Variants in SGMS1 observed in about 807,000 individuals in gnomAD.
The protein encoded by SGMS1 is sphingomyelin synthase 1, also known as phosphatidylcholine:ceramide cholinephosphotransferase 1.
A neutral mutation model predicts 46.2 loss-of-function variants in SGMS1; 13 were observed. That is an observed-to-expected ratio of 0.28 (90% CI 0.18 to 0.45). The LOEUF (loss-of-function observed/expected upper bound fraction) is 0.45. SGMS1 is among the 20% of genes least tolerant of loss of function. The probability of loss-of-function intolerance (pLI) is 1.00; values close to 1 mark genes in which losing one functional copy is unlikely to be tolerated. For synonymous variants in SGMS1, 203 were observed against 187.8 expected (o/e 1.08, Z -0.66); for missense variants, 324 against 519.9 (o/e 0.62, Z 3.66).
intron 3 of SGMS1, among the ~76,000 whole-genome samples, chr10:50,518,306 A>G (rs11594062): frequency 5.4e-4 from 82 of 152,250 alleles, no homozygotes; most frequent in Non-Finnish European, 1.0e-3. Context: ...GAACAGAAAT[A>G]CAAGTTATAA....
chr10:50,462,021 A>C (rs1016103330), intron 4 of SGMS1, among the ~76,000 whole-genome samples: 5 of 152,296 alleles, frequency 3.3e-5, no homozygotes, highest in African/African-American at 1.2e-4. Context: ...ATTCAATTAA[A>C]GTTTCAGGCC....
intron 3 of SGMS1, among the ~76,000 whole-genome samples, chr10:50,493,876 T>C (rs1837587825): frequency 6.6e-6 from 1 of 152,210 alleles, no homozygotes; most frequent in Non-Finnish European, 1.5e-5. Context: ...TGACTCACTG[T>C]AGCCTCCACC....
Position 50,596,455 on chromosome 10 carries a change from G to T in SGMS1, c.-683-6208C>A, listed in dbSNP as rs145015758. 1.6e-3 allele frequency among the ~76,000 whole-genome samples: 240 copies of T among 152,338 alleles called. 2 individuals are homozygous for T. Among genetic ancestry groups the T allele is most frequent in the African/African-American group, 5.6e-3 (233 of 41,570 alleles). ...GGCCTCCCAAAGTGCTGGGCTTACA[G>T]GCGTGAGCCACCACGCCCAGCCCAA... On this transcript the variant is annotated intron_variant, in intron 1 of 10. Coordinates refer to ENST00000361781, the MANE Select transcript of SGMS1 (RefSeq NM_147156.4).
At chr10:50,486,907 C>G (rs1176037094) in intron 3 of SGMS1, among the ~76,000 whole-genome samples, 2 of 152,168 alleles carry the variant, frequency 1.3e-5, no homozygotes, top group African/African-American at 4.8e-5. Flanking sequence ...CAGAATCAAC[C>G]TAAATGCCCA....
chr10:50,444,657 G>A (rs1198849285), intron 5 of SGMS1, among the ~76,000 whole-genome samples: 1 of 151,994 alleles, frequency 6.6e-6, no homozygotes, highest in South Asian at 2.1e-4. Flanking sequence ...TCAAGAGGCC[G>A]AGGTAAGAGG....
intron 1 of SGMS1, among the ~76,000 whole-genome samples, chr10:50,597,737 G>T (rs1230522487): frequency 2.0e-5 from 3 of 152,168 alleles, no homozygotes; most frequent in Non-Finnish European, 4.4e-5. Flanking sequence ...AACTGGCCGG[G>T]CGTGGTGGCT....
intron 7 of SGMS1, chr10:50,342,098 T>G (rs1276562597): frequency 6.6e-6 from 1 of 152,254 alleles, no homozygotes; most frequent in African/African-American, 2.4e-5. Flanking sequence ...AAGCATAATT[T>G]GAGTTGACCT....
At chr10:50,610,817 C>T (rs780910116) in intron 1 of SGMS1, among the ~76,000 whole-genome samples, 1 of 152,168 alleles carries the variant, frequency 6.6e-6, no homozygotes, top group African/African-American at 2.4e-5. Context: ...CAAGAAAACT[C>T]CATACGAGCT....
At chr10:50,320,522 C>T (rs1253212389) in intron 8 of SGMS1, among the ~76,000 whole-genome samples, 2 of 152,176 alleles carry the variant, frequency 1.3e-5, no homozygotes, top group African/African-American at 4.8e-5. Flanking sequence ...CTTCTAAAGA[C>T]AGATGTGATC....
rs1847874676 is a variant in SGMS1, at chr10:50,344,183, CAG to C, written c.-71_-70del. On this transcript the variant is annotated 5_prime_UTR_variant, in exon 7 of 11. It introduces an in-frame stop codon into an upstream open reading frame of the 5' UTR. Coordinates refer to ENST00000361781, the MANE Select transcript of SGMS1 (RefSeq NM_147156.4). ...GTCAGCAGTCACTGTTCCGACAGGG[CAG>C]GACACTGTCCTGCCTCGGCTCGTTC... is the stretch of plus-strand genomic sequence containing the variant. 1 of 1,516,600 alleles carries C rather than the reference CAG, an allele frequency of 6.6e-7. No individual in the cohort carries two copies. Among genetic ancestry groups the C allele is most frequent in the Admixed American group, 2.1e-5 (1 of 46,528 alleles). 93.9% of individuals were successfully genotyped at this position (1,516,600 alleles called of 1,614,324 possible).
intron 2 of SGMS1, among the ~76,000 whole-genome samples, chr10:50,527,041 G>T (rs1837908069): frequency 7.2e-6 from 1 of 137,950 alleles, no homozygotes; most frequent in African/African-American, 2.8e-5. Flanking sequence ...CTCCAGCTGG[G>T]TGACAGAGTG....
intron 6 of SGMS1, among the ~76,000 whole-genome samples, chr10:50,389,604 C>G (rs1050005383): frequency 6.6e-6 from 1 of 152,164 alleles, no homozygotes; most frequent in African/African-American, 2.4e-5. Flanking sequence ...CTATTTTCTC[C>G]TCTTCCTGGC....
intron 3 of SGMS1, chr10:50,472,905 T>C (rs1837390876): frequency 6.6e-6 from 1 of 152,206 alleles, no homozygotes; most frequent in African/African-American, 2.4e-5. Context: ...CAGTTCCCTG[T>C]AATGCCCTTC....
At chr10:50,605,158 G>A (rs79436663) in intron 1 of SGMS1, among the ~76,000 whole-genome samples, 5,374 of 152,258 alleles carry the variant, frequency 0.035, 137 homozygotes, top group Non-Finnish European at 0.054. Flanking sequence ...ACCACTGCAT[G>A]GAGTCAGTGG....
intron 8 of SGMS1, among the ~76,000 whole-genome samples, chr10:50,314,131 A>G (rs1472454030): frequency 1.3e-5 from 2 of 152,188 alleles, no homozygotes; most frequent in African/African-American, 4.8e-5. Context: ...TTATCAAAGG[A>G]CAAGGGATGT....
At chr10:50,372,545 T>C (rs1848454718) in intron 6 of SGMS1, among the ~76,000 whole-genome samples, 1 of 151,878 alleles carries the variant, frequency 6.6e-6, no homozygotes, top group Non-Finnish European at 1.5e-5. Flanking sequence ...ATATAAAAAA[T>C]TAGCCGGGTA....
At chr10:50,358,465 A>C (rs1206777108) in intron 6 of SGMS1, among the ~76,000 whole-genome samples, 2 of 152,214 alleles carry the variant, frequency 1.3e-5, no homozygotes, top group Non-Finnish European at 2.9e-5. Flanking sequence ...TGGGAGGCTG[A>C]GGCAGGTGGA....
chr10:50,516,727 A>T (rs990741269), intron 3 of SGMS1, among the ~76,000 whole-genome samples: 1 of 152,230 alleles, frequency 6.6e-6, no homozygotes, highest in Admixed American at 6.5e-5. Context: ...GAGACAACTG[A>T]TTTTTAAAAA....
At chr10:50,544,589 T>C (rs1304690783) in intron 2 of SGMS1, among the ~76,000 whole-genome samples, 3 of 152,208 alleles carry the variant, frequency 2.0e-5, no homozygotes, top group Non-Finnish European at 4.4e-5. Flanking sequence ...AGACAATGTA[T>C]CAGATCTGAC....
Sources: allele counts gnomAD v4.1 joint callset (sites outside exome capture counted in the v4.1 genomes callset), GRCh38; gene constraint gnomAD v4.1.1; transcripts MANE v1.5; gene names NCBI Gene and HGNC (gene_info 2026-07-23, HGNC 2026-07-21).